The following DYNC2H1 variants were observed in gnomAD, a reference collection of about 807,000 sequenced individuals.
DYNC2H1 encodes dynein cytoplasmic 2 heavy chain 1.
In DYNC2H1, 410 loss-of-function variants were observed where a neutral mutation model predicts 570.0. The observed-to-expected ratio is 0.72, with a 90% CI of 0.66 to 0.78. DYNC2H1 has a LOEUF of 0.78. DYNC2H1 is among the 30% of genes least tolerant of loss of function. DYNC2H1 has a pLI of 0.00. For synonymous variants in DYNC2H1, 1,688 were observed against 1,677.6 expected, an observed-to-expected ratio of 1.01 and a Z score of -0.15; for missense variants, 4,865 against 5,046.4, an observed-to-expected ratio of 0.96 and a Z score of 1.09.
chr11:103,283,451 G>T (rs1014923534), intron 73 of DYNC2H1, among the ~76,000 whole-genome samples: 2 of 152,038 alleles, frequency 1.3e-5, no homozygotes, highest in Admixed American at 1.3e-4. Context: ...TTTTTGTGGG[G>T]AATGAAAGAC....
At chr11:103,283,227 A>G in intron 73 of DYNC2H1, 142 bp downstream of exon 73, 1 of 538,272 alleles carries the variant, frequency 1.9e-6, no homozygotes, top group Non-Finnish European at 3.2e-6. Context: ...TTACCAAAGA[A>G]TTATTGTAAT....
chr11:103,119,144 G>C (rs2134707950), intron 6 of DYNC2H1, among the ~76,000 whole-genome samples: 1 of 152,222 alleles, frequency 6.6e-6, no homozygotes, highest in South Asian at 2.1e-4. Context: ...AAGTAGATTA[G>C]TGTCATAGTA....
At chr11:103,394,732 G>A (rs1942319252) in intron 83 of DYNC2H1, among the ~76,000 whole-genome samples, 1 of 152,006 alleles carries the variant, frequency 6.6e-6, no homozygotes, top group Non-Finnish European at 1.5e-5. Flanking sequence ...AATAAGGTTG[G>A]TGCAAAAGTA....
intron 82 of DYNC2H1, among the ~76,000 whole-genome samples, chr11:103,333,572 A>C (rs1042127523): frequency 6.6e-6 from 1 of 152,204 alleles, no homozygotes; most frequent in African/African-American, 2.4e-5. Context: ...TGTGTCATTG[A>C]AACTCAGTTC....
chr11:103,195,015 G>A (rs1211836881), intron 47 of DYNC2H1, among the ~76,000 whole-genome samples: 1 of 152,206 alleles, frequency 6.6e-6, no homozygotes, highest in African/African-American at 2.4e-5. Flanking sequence ...ACTGCAGCCA[G>A]CAATTGGTTT....
At chr11:103,469,730 G>A (rs1945313034) in intron 88 of DYNC2H1, among the ~76,000 whole-genome samples, 1 of 152,048 alleles carries the variant, frequency 6.6e-6, no homozygotes, top group South Asian at 2.1e-4. Context: ...ATAAGATAAA[G>A]GAGAGAGAAG....
At chr11:103,164,485 CT>C (rs1354130371) in intron 30 of DYNC2H1, among the ~76,000 whole-genome samples, 1 of 152,096 alleles carries the variant, frequency 6.6e-6, no homozygotes, top group Non-Finnish European at 1.5e-5. Flanking sequence ...AATTCAGTTA[CT>C]TTTTTTATAT....
chr11:103,430,619 C>T (rs1191285396), intron 84 of DYNC2H1, among the ~76,000 whole-genome samples: 1 of 152,050 alleles, frequency 6.6e-6, no homozygotes, highest in African/African-American at 2.4e-5. Flanking sequence ...CCATTGTTTT[C>T]CAGATAAAAT....
Position 103,455,312 on chromosome 11 carries a change from A to G in DYNC2H1, c.12566+17A>G, listed in dbSNP as rs187787132. 2,039 of 1,601,684 alleles carry G rather than the reference A, an allele frequency of 1.3e-3. 17 individuals carry two copies. The highest frequency in any genetic ancestry group is 7.1e-3 in the South Asian group (643 of 90,782). ...AACTGCAAGGTAATTAAAATGAAAT[A>G]CTTTACCTATTTGTCCCTGACGGTA... On this transcript the variant is annotated intron_variant, in intron 86 of 88. Coordinates refer to ENST00000375735, the MANE Select transcript of DYNC2H1 (RefSeq NM_001377.3).
intron 80 of DYNC2H1, among the ~76,000 whole-genome samples, chr11:103,317,173 G>T (rs770501636): frequency 3.3e-5 from 5 of 152,038 alleles, no homozygotes; most frequent in Non-Finnish European, 7.4e-5. Flanking sequence ...ATGGATTAGA[G>T]AATAGAGTAT....
chr11:103,462,250 CTCTG>C (rs537394287), intron 87 of DYNC2H1, among the ~76,000 whole-genome samples: 58 of 152,148 alleles, frequency 3.8e-4, no homozygotes, highest in Non-Finnish European at 6.9e-4. Flanking sequence ...ACTTTTGTTC[CTCTG>C]TCTCTCATTC....
intron 43 of DYNC2H1, among the ~76,000 whole-genome samples, chr11:103,188,261 A>G (rs1010344007): frequency 1.1e-4 from 17 of 152,040 alleles, no homozygotes; most frequent in African/African-American, 3.9e-4. Flanking sequence ...TGTTTATTAG[A>G]GAGAAAAGCA....
chr11:103,451,187 C>A (rs11225806), intron 85 of DYNC2H1, among the ~76,000 whole-genome samples: 27,833 of 151,924 alleles, frequency 0.18, 2,787 homozygotes, highest in Admixed American at 0.26. Context: ...AAATGTAGTG[C>A]TATGCCATAA....
At chr11:103,421,275 A>G (rs1343059785) in intron 84 of DYNC2H1, among the ~76,000 whole-genome samples, 3 of 151,858 alleles carry the variant, frequency 2.0e-5, no homozygotes, top group African/African-American at 7.3e-5. Flanking sequence ...GACTTTAACC[A>G]TTGACAATAT....
chr11:103,322,263 T>C (rs1287573628), intron 81 of DYNC2H1, among the ~76,000 whole-genome samples: 1 of 152,160 alleles, frequency 6.6e-6, no homozygotes, highest in Non-Finnish European at 1.5e-5. Flanking sequence ...ATAATTACTA[T>C]ACATTTAACT....
At position 103,293,819 on chromosome 11, in the gene DYNC2H1, G is replaced by T. The variant is rs183229808; in HGVS notation, c.11095+6214G>T. 2.2e-3 allele frequency among the ~76,000 whole-genome samples: 334 copies of T among 152,228 alleles called. 1 individual carries two copies. Among genetic ancestry groups the T allele is most frequent in the South Asian group, 5.2e-3 (25 of 4,824 alleles). On this transcript the variant is annotated intron_variant, in intron 75 of 88. Coordinates refer to ENST00000375735, the MANE Select transcript of DYNC2H1 (RefSeq NM_001377.3). The stretch of plus-strand genomic sequence containing the variant: ...AGGCCAGGCACAGTGGCTCACACCT[G>T]TAATCTCAGCACTTTGGGAGGCCGA...
intron 82 of DYNC2H1, among the ~76,000 whole-genome samples, chr11:103,342,163 C>G (rs1415493624): frequency 6.6e-6 from 1 of 151,790 alleles, no homozygotes. Flanking sequence ...TTCTGTCTTA[C>G]AAGAGGTTTG....
chr11:103,175,820 A>G (rs1405715702), intron 36 of DYNC2H1, among the ~76,000 whole-genome samples: 1 of 152,218 alleles, frequency 6.6e-6, no homozygotes, highest in Admixed American at 6.5e-5. Context: ...CTTTTCTGAA[A>G]GTCACTTAAA....
At chr11:103,447,450 C>T (rs1278877095) in intron 85 of DYNC2H1, among the ~76,000 whole-genome samples, 2 of 152,134 alleles carry the variant, frequency 1.3e-5, no homozygotes, top group Admixed American at 1.3e-4. Flanking sequence ...CAGCTTGAGA[C>T]TTTTCAGTAC....
Sources: gnomAD v4.1 joint callset for allele counts (sites outside exome capture counted in the v4.1 genomes callset) on GRCh38, gnomAD v4.1.1 for gene constraint, MANE v1.5 for transcripts, NCBI Gene and HGNC (gene_info 2026-07-23, HGNC 2026-07-21) for gene names.